AHI1: variants seen among roughly 807,000 people sequenced by gnomAD.
AHI1 encodes the protein jouberin.
Under a neutral mutation model 149.3 loss-of-function variants are expected in AHI1, and 123 were observed. The observed-to-expected ratio is 0.82, with a 90% CI of 0.71 to 0.96. The LOEUF is 0.96. Ranked by LOEUF, AHI1 falls within the 40% of genes least tolerant of loss-of-function variation. AHI1 has a pLI of 0.00. For missense variants in AHI1, 1,439 were observed against 1,422.7 expected (o/e 1.01, Z -0.18); for synonymous variants, 475 against 459.8 (o/e 1.03, Z -0.42).
At chr6:135,490,592 A>T in intron 5 of AHI1, 31 bp downstream of exon 5, 1 of 1,612,642 alleles carries the variant, frequency 6.2e-7, no homozygotes, top group Non-Finnish European at 8.5e-7. Flanking sequence ...CGCATATGTA[A>T]ATCACTATTA....
intron 24 of AHI1, among the ~76,000 whole-genome samples, chr6:135,344,237 G>C (rs1790813753): frequency 1.3e-5 from 2 of 151,014 alleles, no homozygotes; most frequent in African/African-American, 4.9e-5. Context: ...GTAGTTGGCT[G>C]AATCTGTGAA....
At position 135,358,165 on chromosome 6, in the gene AHI1, C is replaced by T. The variant is rs1414189428; in HGVS notation, c.3132G>A (p.Lys1044=). The T allele has an allele frequency of 6.2e-7, 1 of 1,613,024 alleles. No homozygotes were observed. Among genetic ancestry groups the T allele is most frequent in the Non-Finnish European group, 8.5e-7 (1 of 1,179,454 alleles). ...TQTGIISIER[K]PCNHQVDTAP... is the part of the protein sequence containing the mutation. ...CTGTATCTACCTGATGGTTACAAGGCTTTCTTTCTATGCTGATAATCCCTG... is the reference window on the plus strand; with the variant it reads ...CTGTATCTACCTGATGGTTACAAGGTTTTCTTTCTATGCTGATAATCCCTG... Residue 1044 remains lysine (K), a synonymous_variant, in exon 24 of 29, where the codon AAG becomes AAA. Coordinates refer to ENST00000265602, the MANE Select transcript of AHI1 (RefSeq NM_001134831.2).
At chr6:135,303,194 T>C (rs1480462954) in intron 26 of AHI1, among the ~76,000 whole-genome samples, 1 of 152,172 alleles carries the variant, frequency 6.6e-6, no homozygotes, top group Admixed American at 6.5e-5. Context: ...AACTCATAGA[T>C]AGCTTTGTAA....
chr6:135,390,786 A>G (rs1444145676), intron 23 of AHI1, among the ~76,000 whole-genome samples: 2 of 152,216 alleles, frequency 1.3e-5, no homozygotes, highest in Non-Finnish European at 1.5e-5. Flanking sequence ...TGTTTACTCT[A>G]CTTTTCAGAG....
At chr6:135,406,924 A>G (rs1370183519) in intron 21 of AHI1, among the ~76,000 whole-genome samples, 1 of 152,206 alleles carries the variant, frequency 6.6e-6, no homozygotes, top group East Asian at 1.9e-4. Context: ...CACTGATAAA[A>G]TCAAATTTCT....
intron 27 of AHI1, among the ~76,000 whole-genome samples, chr6:135,297,207 C>A (rs1163802165): frequency 2.0e-5 from 3 of 152,084 alleles, no homozygotes; most frequent in Non-Finnish European, 4.4e-5. Flanking sequence ...GCCCCACCTT[C>A]CAATCATCAG....
At chr6:135,294,067 G>C (rs1240726573) in intron 27 of AHI1, among the ~76,000 whole-genome samples, 7 of 152,192 alleles carry the variant, frequency 4.6e-5, no homozygotes. Context: ...GCTCACACCT[G>C]TAATCCCAGC....
intron 23 of AHI1, among the ~76,000 whole-genome samples, chr6:135,362,226 T>G (rs895302345): frequency 2.6e-5 from 4 of 152,206 alleles, no homozygotes; most frequent in African/African-American, 9.6e-5. Context: ...TTTTTGCAAT[T>G]GCAAATTGTG....
At chr6:135,451,037 C>A (rs1015041503) in intron 11 of AHI1, among the ~76,000 whole-genome samples, 2 of 151,550 alleles carry the variant, frequency 1.3e-5, no homozygotes, top group African/African-American at 4.8e-5. Flanking sequence ...CACTCTGTCA[C>A]CCAGGCTGGA....
rs1003824054 is a variant in AHI1 at position 135,497,735 on chromosome 6, C to G, written c.-354G>C. Reference sequence around the variant, plus strand: ...CCCGTGTCCTGAAAGCAAGCCGCGGCTCTGTGCCGCAGTGCGGACAGCGCG... The same window carrying G: ...CCCGTGTCCTGAAAGCAAGCCGCGGGTCTGTGCCGCAGTGCGGACAGCGCG... On this transcript the variant is annotated 5_prime_UTR_variant, in exon 1 of 29. Transcript: ENST00000265602. 1 of 180,948 alleles carries G rather than the reference C, an allele frequency of 5.5e-6. No homozygotes were observed. Among genetic ancestry groups the G allele is most frequent in the Non-Finnish European group, 1.2e-5 (1 of 82,062 alleles). The allele number at this position is 180,948 out of a possible 1,614,324, so 11.2% of individuals were successfully genotyped here.
chr6:135,418,031 C>CTA (rs10695754), intron 20 of AHI1, among the ~76,000 whole-genome samples: 145,385 of 152,090 alleles, frequency 0.96, 69,491 homozygotes, highest in Middle Eastern at 0.98. Flanking sequence ...TTAAATAACT[C>CTA]TTTCTTCATT....
intron 26 of AHI1, chr6:135,301,888 C>G (rs1783926734): frequency 1.0e-6 from 1 of 985,318 alleles, no homozygotes; most frequent in African/African-American, 1.7e-5. Context: ...AGAAAATCAT[C>G]AAAACCTCAG....
intron 5 of AHI1, among the ~76,000 whole-genome samples, chr6:135,475,056 A>AT (rs1349179825): frequency 6.6e-6 from 1 of 152,182 alleles, no homozygotes; most frequent in Non-Finnish European, 1.5e-5. Flanking sequence ...TTGACAAAAG[A>AT]TTTTTAACTA....
At chr6:135,410,036 G>A (rs1299566177) in intron 21 of AHI1, among the ~76,000 whole-genome samples, 1 of 152,058 alleles carries the variant, frequency 6.6e-6, no homozygotes, top group Non-Finnish European at 1.5e-5. Context: ...TACTTTTAGG[G>A]TCTTACTGAA....
At chr6:135,458,484 A>C (rs1445333369) in intron 8 of AHI1, among the ~76,000 whole-genome samples, 1 of 152,222 alleles carries the variant, frequency 6.6e-6, no homozygotes, top group Non-Finnish European at 1.5e-5. Context: ...TGGTGCTAGC[A>C]GACCATGATC....
chr6:135,434,144 T>A (rs894295893), intron 15 of AHI1, among the ~76,000 whole-genome samples: 4 of 151,994 alleles, frequency 2.6e-5, no homozygotes, highest in African/African-American at 9.7e-5. Flanking sequence ...ATCCTTTTAA[T>A]TACTGCTTGA....
At chr6:135,490,101 G>T in intron 5 of AHI1, 1 of 703,834 alleles carries the variant, frequency 1.4e-6, no homozygotes. Flanking sequence ...TTGCTGATTT[G>T]CTTAGTCTTT....
intron 16 of AHI1, among the ~76,000 whole-genome samples, chr6:135,432,325 AT>A (rs1312116048): frequency 6.6e-6 from 1 of 152,274 alleles, no homozygotes; most frequent in Non-Finnish European, 1.5e-5. Context: ...TAATAAAATG[AT>A]TTACGTTTTA....
intron 19 of AHI1, among the ~76,000 whole-genome samples, chr6:135,428,155 T>A (rs371781953): frequency 6.6e-6 from 1 of 151,676 alleles, no homozygotes; most frequent in South Asian, 2.1e-4. Flanking sequence ...CCAATGTAAT[T>A]GTTTATTGGA....
Sources: gnomAD v4.1 joint callset for allele counts (sites outside exome capture counted in the v4.1 genomes callset) on GRCh38, gnomAD v4.1.1 for gene constraint, MANE v1.5 for transcripts, NCBI Gene and HGNC (gene_info 2026-07-23, HGNC 2026-07-21) for gene names.